Variants in RALYL observed in about 807,000 individuals in gnomAD.
The protein encoded by RALYL is RALY RNA binding protein like, also known as RNA-binding Raly-like protein.
RALYL carries 29 observed loss-of-function variants against 35.1 expected under a neutral mutation model. The observed-to-expected ratio is 0.83, with a 90% CI of 0.61 to 1.13. The LOEUF is 1.13. Among genes scored for constraint, RALYL ranks in the 50% most tolerant of loss-of-function variants. The pLI is 0.00. For synonymous variants in RALYL, 120 were observed against 127.6 expected, an observed-to-expected ratio of 0.94 and a Z score of 0.40; for missense variants, 359 against 360.4, an observed-to-expected ratio of 1.00 and a Z score of 0.03.
chr8:84,287,071 C>T (rs1404743427), intron 1 of RALYL, among the ~76,000 whole-genome samples: 2 of 152,170 alleles, frequency 1.3e-5, no homozygotes, highest in Admixed American at 6.5e-5. Flanking sequence ...TCAGTACTTT[C>T]TTGCTCATTT....
chr8:84,483,715 C>A (rs933714860), intron 1 of RALYL, among the ~76,000 whole-genome samples: 1 of 152,036 alleles, frequency 6.6e-6, no homozygotes, highest in Non-Finnish European at 1.5e-5. Flanking sequence ...GATATAGAAG[C>A]TATTGTGTTT....
chr8:84,321,744 C>T (rs1279039691), intron 1 of RALYL, among the ~76,000 whole-genome samples: 1 of 152,228 alleles, frequency 6.6e-6, no homozygotes, highest in Non-Finnish European at 1.5e-5. Context: ...CTTTCCCATT[C>T]TCCACACCTT....
intron 1 of RALYL, among the ~76,000 whole-genome samples, chr8:84,239,154 C>T (rs1827291177): frequency 6.6e-6 from 1 of 152,130 alleles, no homozygotes; most frequent in South Asian, 2.1e-4. Flanking sequence ...TTGACCATTC[C>T]ATGGTTAGTA....
At chr8:84,537,970 C>G (rs952127861) in intron 2 of RALYL, among the ~76,000 whole-genome samples, 2 of 152,142 alleles carry the variant, frequency 1.3e-5, no homozygotes, top group Non-Finnish European at 2.9e-5. Context: ...CCTCATCTTT[C>G]ACTGTCATCA....
chr8:84,846,640 T>C (rs988898512), intron 4 of RALYL, among the ~76,000 whole-genome samples: 2 of 152,190 alleles, frequency 1.3e-5, no homozygotes, highest in African/African-American at 4.8e-5. Context: ...ATACATCTGA[T>C]CATGAGCTTT....
At chr8:84,192,127 G>A (rs1814043054) in intron 1 of RALYL, among the ~76,000 whole-genome samples, 1 of 152,224 alleles carries the variant, frequency 6.6e-6, no homozygotes, top group Non-Finnish European at 1.5e-5. Flanking sequence ...AAAGGCTATA[G>A]TGCCATTTGT....
At chr8:84,498,044 G>T (rs555186816) in intron 1 of RALYL, among the ~76,000 whole-genome samples, 1 of 151,908 alleles carries the variant, frequency 6.6e-6, no homozygotes, top group African/African-American at 2.4e-5. Flanking sequence ...TGATGCTGAG[G>T]TTGGGGTTTG....
At chr8:84,567,682 T>C (rs1269524935) in intron 2 of RALYL, among the ~76,000 whole-genome samples, 1 of 151,654 alleles carries the variant, frequency 6.6e-6, no homozygotes, top group Non-Finnish European at 1.5e-5. Flanking sequence ...ACGTTGTTTT[T>C]TTTTTTTTAT....
At chr8:84,225,183 A>G (rs912556740) in intron 1 of RALYL, among the ~76,000 whole-genome samples, 1 of 152,206 alleles carries the variant, frequency 6.6e-6, no homozygotes, top group Non-Finnish European at 1.5e-5. Context: ...AGATTCTGGT[A>G]TAAAATGTGT....
At chr8:84,253,846 T>G (rs931649887) in intron 1 of RALYL, among the ~76,000 whole-genome samples, 15 of 152,192 alleles carry the variant, frequency 9.9e-5, no homozygotes, top group African/African-American at 3.6e-4. Context: ...CAGTTTTTCA[T>G]TGCTTCATCC....
rs34252350 is a variant in RALYL, at chr8:84,808,504, T to TA, written c.365+3703dup. On this transcript the variant is annotated intron_variant, in intron 4 of 8. Coordinates refer to ENST00000521268, the MANE Select transcript of RALYL (RefSeq NM_173848.7). Reference sequence around the variant, plus strand: ...CTATACGGGCTCTTTTTTGGTTCCATATGAATTTTAGAATTGTTTTTTCTA... The same window carrying TA: ...CTATACGGGCTCTTTTTTGGTTCCATAATGAATTTTAGAATTGTTTTTTCTA... Among the ~76,000 whole-genome samples, 791 of 152,288 alleles carry TA rather than the reference T, an allele frequency of 5.2e-3. 4 individuals carry two copies. The highest frequency in any genetic ancestry group is 0.018 in the African/African-American group (742 of 41,546).
chr8:84,457,120 A>G (rs1348737497), intron 1 of RALYL, among the ~76,000 whole-genome samples: 1 of 151,884 alleles, frequency 6.6e-6, no homozygotes, highest in East Asian at 1.9e-4. Context: ...CCAGAATCTC[A>G]GTTCCTTGCC....
chr8:84,760,738 C>T (rs1034317345), intron 2 of RALYL, among the ~76,000 whole-genome samples: 5 of 151,948 alleles, frequency 3.3e-5, no homozygotes, highest in African/African-American at 9.7e-5. Flanking sequence ...AATTTATTCT[C>T]ATAAAAGCAA....
intron 2 of RALYL, among the ~76,000 whole-genome samples, chr8:84,593,099 T>C (rs749034909): frequency 6.6e-6 from 1 of 152,094 alleles, no homozygotes; most frequent in Non-Finnish European, 1.5e-5. Flanking sequence ...GTACATTAGT[T>C]TGGATCTTAT....
At chr8:84,342,424 T>C (rs1026517268) in intron 1 of RALYL, among the ~76,000 whole-genome samples, 1 of 150,202 alleles carries the variant, frequency 6.7e-6, no homozygotes. Context: ...GGTTTTTATT[T>C]TCTGGGATAA....
intron 1 of RALYL, among the ~76,000 whole-genome samples, chr8:84,506,066 A>T (rs2057139713): frequency 6.6e-6 from 1 of 152,134 alleles, no homozygotes; most frequent in South Asian, 2.1e-4. Flanking sequence ...TCACGACATT[A>T]GAATACCATT....
At position 84,241,486 on chromosome 8, in the gene RALYL, C is replaced by A. The variant is rs112765615; in HGVS notation, c.-24+57062C>A. On this transcript the variant is annotated intron_variant, in intron 1 of 8. Coordinates refer to ENST00000521268, the MANE Select transcript of RALYL (RefSeq NM_173848.7). ...TGTGATCAGTGAATTGGACTAAAAT[C>A]TGTATGGAGGGCCTGGCGCGGTGGC... Among the ~76,000 whole-genome samples, 60 of 152,148 alleles carry A rather than the reference C, an allele frequency of 3.9e-4. 1 individual carries two copies. The highest frequency in any genetic ancestry group is 1.4e-3 in the African/African-American group (59 of 41,522).
At chr8:84,409,216 C>A (rs531972201) in intron 1 of RALYL, among the ~76,000 whole-genome samples, 1 of 151,938 alleles carries the variant, frequency 6.6e-6, no homozygotes, top group Non-Finnish European at 1.5e-5. Context: ...GATTTTATTT[C>A]ATTGAGTTCT....
intron 1 of RALYL, among the ~76,000 whole-genome samples, chr8:84,364,422 C>G (rs1470702240): frequency 3.9e-5 from 6 of 152,060 alleles, no homozygotes; most frequent in African/African-American, 1.4e-4. Flanking sequence ...AATGAAGTAG[C>G]AAATGACCTA....
Sources: allele counts gnomAD v4.1 joint callset (sites outside exome capture counted in the v4.1 genomes callset), GRCh38; gene constraint gnomAD v4.1.1; transcripts MANE v1.5; gene names NCBI Gene and HGNC (gene_info 2026-07-23, HGNC 2026-07-21).